The following PARVB variants were observed in gnomAD, a reference collection of about 807,000 sequenced individuals.
The protein encoded by PARVB is beta-parvin.
In PARVB, 46 loss-of-function variants were observed where a neutral mutation model predicts 47.0. That is an observed-to-expected ratio of 0.98 (90% CI 0.77 to 1.25). The LOEUF (loss-of-function observed/expected upper bound fraction) is 1.25. Ranked by LOEUF, PARVB falls within the 50% of genes most tolerant of loss-of-function variation. PARVB has a pLI of 0.00. For missense variants in PARVB, 473 were observed against 471.6 expected (o/e 1.00, Z -0.03); for synonymous variants, 196 against 196.3 (o/e 1.00, Z 0.01).
At chr22:44,005,276 T>G (rs1362884758) in intron 2 of PARVB, among the ~76,000 whole-genome samples, 3 of 9,096 alleles carry the variant, frequency 3.3e-4, no homozygotes, top group Non-Finnish European at 5.8e-4. Flanking sequence ...ATTTTTTCTA[T>G]TTTTTTTTTT....
chr22:44,077,531 C>T (rs1309499301), intron 1 of PARVB, among the ~76,000 whole-genome samples: 4 of 152,280 alleles, frequency 2.6e-5, no homozygotes, highest in African/African-American at 7.2e-5. Flanking sequence ...TGAGGTCTTC[C>T]AGATCCCCAG....
chr22:44,097,793 G>C (rs1319479063), intron 2 of PARVB, among the ~76,000 whole-genome samples: 1 of 152,214 alleles, frequency 6.6e-6, no homozygotes, highest in African/African-American at 2.4e-5. Flanking sequence ...CACGGGGACA[G>C]GTAAAGACCG....
intron 7 of PARVB, among the ~76,000 whole-genome samples, chr22:44,138,478 T>C (rs1397897876): frequency 6.6e-6 from 1 of 152,124 alleles, no homozygotes; most frequent in Non-Finnish European, 1.5e-5. Flanking sequence ...ATGCCCCAGG[T>C]AGGTTCTCCT....
In PARVB at chr22:44,028,440, G is replaced by C. The variant is rs1007829985; in HGVS notation, c.112+3989G>C. Reference sequence around the variant, plus strand: ...TTCAGATTGGCTTCTTCCACTCAATGATATACATTGAAGGCCCTTCCATGT... The same window carrying C: ...TTCAGATTGGCTTCTTCCACTCAATCATATACATTGAAGGCCCTTCCATGT... On this transcript the variant is annotated intron_variant, in intron 1 of 12. Transcript: ENST00000338758. 9.9e-5 allele frequency among the ~76,000 whole-genome samples: 15 copies of C among 152,056 alleles called. No homozygotes were observed. In the East Asian group the frequency reaches 2.7e-3, roughly 27 times the overall value.
intron 1 of PARVB, among the ~76,000 whole-genome samples, chr22:44,073,985 C>T (rs1333134094): frequency 6.6e-6 from 1 of 152,254 alleles, no homozygotes; most frequent in African/African-American, 2.4e-5. Context: ...ACCGAGGACC[C>T]GCCGTGGGGC....
chr22:44,131,194 T>C (rs1601653456), intron 4 of PARVB, among the ~76,000 whole-genome samples: 1 of 150,590 alleles, frequency 6.6e-6, no homozygotes. Flanking sequence ...CAGGCTTGGG[T>C]GCAATGGCAT....
At chr22:44,027,370 C>T (rs960020416) in intron 1 of PARVB, among the ~76,000 whole-genome samples, 17 of 152,146 alleles carry the variant, frequency 1.1e-4, no homozygotes, top group African/African-American at 3.9e-4. Context: ...GGCGGATGGC[C>T]GGCCCTGGCC....
chr22:44,095,790 G>A (rs761471118), intron 2 of PARVB, among the ~76,000 whole-genome samples: 3 of 152,180 alleles, frequency 2.0e-5, no homozygotes, highest in Admixed American at 1.3e-4. Context: ...TGTGGTTTCC[G>A]TGACGAGGCC....
chr22:44,158,141 A>G (rs2053977116), intron 11 of PARVB, 58 bp downstream of exon 11: 6 of 1,160,220 alleles, frequency 5.2e-6, no homozygotes, highest in East Asian at 4.7e-5. Flanking sequence ...TGAAATGCAG[A>G]GCATAGACTA....
chr22:44,021,763 A>ACACACACG (rs2050652080), upstream of PARVB, among the ~76,000 whole-genome samples: 1 of 20,390 alleles, frequency 4.9e-5, no homozygotes, highest in Non-Finnish European at 8.9e-5. Context: ...CTAGACTCAC[A>ACACACACG]CACACACACA....
At chr22:44,158,668 C>T (rs1054157874) in intron 11 of PARVB, among the ~76,000 whole-genome samples, 10 of 152,316 alleles carry the variant, frequency 6.6e-5, no homozygotes, top group Middle Eastern at 3.4e-3. Context: ...GGCTGGCCCA[C>T]GCCACCCGGT....
At position 44,138,547 on chromosome 22, in the gene PARVB, C is replaced by T. The variant is rs562651781; in HGVS notation, c.693-1577C>T. On this transcript the variant is annotated intron_variant, in intron 7 of 12. Coordinates refer to ENST00000338758, the MANE Select transcript of PARVB (RefSeq NM_013327.5). ...CTTCCCCTCCCCGTGGCTGCGGAGGCTCTGACGGAACATTTGAATCATTGG... is the reference window on the plus strand; with the variant it reads ...CTTCCCCTCCCCGTGGCTGCGGAGGTTCTGACGGAACATTTGAATCATTGG... Among the ~76,000 whole-genome samples, 15 of 152,290 alleles carry T rather than the reference C, an allele frequency of 9.8e-5. No individual in the cohort carries two copies. In the East Asian group the frequency reaches 2.9e-3, roughly 29 times the overall value.
intron 6 of PARVB, among the ~76,000 whole-genome samples, chr22:44,136,063 C>T (rs2147173692): frequency 6.6e-6 from 1 of 152,338 alleles, no homozygotes; most frequent in East Asian, 1.9e-4. Context: ...CAGTCCCGTG[C>T]ACACACATGA....
intron 2 of PARVB, among the ~76,000 whole-genome samples, chr22:44,004,392 G>T (rs1370727706): frequency 6.6e-5 from 10 of 152,074 alleles, no homozygotes. Context: ...TTGCTGCAAA[G>T]TGTGACCCCC....
chr22:44,038,180 G>A (rs1380973687), intron 1 of PARVB, among the ~76,000 whole-genome samples: 1 of 152,246 alleles, frequency 6.6e-6, no homozygotes, highest in East Asian at 1.9e-4. Flanking sequence ...GTTTCAGGTT[G>A]TTGGCACAGT....
At chr22:44,159,343 G>C (rs1264634955) in intron 11 of PARVB, among the ~76,000 whole-genome samples, 2 of 152,216 alleles carry the variant, frequency 1.3e-5, no homozygotes, top group Non-Finnish European at 2.9e-5. Context: ...CCAAGACAAG[G>C]CTTTGTACAA....
chr22:44,087,350 A>G (rs2052047579), intron 1 of PARVB, among the ~76,000 whole-genome samples: 1 of 152,224 alleles, frequency 6.6e-6, no homozygotes, highest in African/African-American at 2.4e-5. Flanking sequence ...GTGTCAGAAA[A>G]TGGAGTTGCC....
At chr22:44,022,744 T>A (rs1274031863), upstream of PARVB, among the ~76,000 whole-genome samples, 1 of 132,682 alleles carries the variant, frequency 7.5e-6, no homozygotes, top group Non-Finnish European at 1.6e-5. Context: ...TTTTTTATTT[T>A]TTATTTTTTT....
chr22:44,107,542 C>T (rs78390077), intron 3 of PARVB: 3,010 of 152,246 alleles, frequency 0.02, 62 homozygotes, highest in East Asian at 0.053. Flanking sequence ...TTTATGCTAA[C>T]GAGGTGACTC....
Sources: allele counts gnomAD v4.1 joint callset (sites outside exome capture counted in the v4.1 genomes callset), GRCh38; gene constraint gnomAD v4.1.1; transcripts MANE v1.5; gene names NCBI Gene and HGNC (gene_info 2026-07-23, HGNC 2026-07-21).